The following PRKN variants were observed in gnomAD, a reference collection of about 807,000 sequenced individuals.
PRKN encodes E3 ubiquitin-protein ligase parkin.
Under a neutral mutation model 59.5 loss-of-function variants are expected in PRKN, and 56 were observed. The ratio of observed to expected loss-of-function variants is 0.94; its 90% confidence interval spans 0.76 to 1.18. The LOEUF is 1.18. Ranked by LOEUF, PRKN falls within the 50% of genes most tolerant of loss-of-function variation. The pLI is 0.00. For missense variants in PRKN, 657 were observed against 596.4 expected (o/e 1.10, Z -1.06); for synonymous variants, 250 against 222.1 (o/e 1.13, Z -1.12).
intron 6 of PRKN, among the ~76,000 whole-genome samples, chr6:161,828,159 C>A (rs1792325687): frequency 6.6e-6 from 1 of 152,152 alleles, no homozygotes; most frequent in African/African-American, 2.4e-5. Flanking sequence ...TTGTGAGTAA[C>A]CTGCAAAATA....
chr6:161,626,421 A>G (rs1783091229), intron 7 of PRKN, among the ~76,000 whole-genome samples: 1 of 152,232 alleles, frequency 6.6e-6, no homozygotes, highest in Non-Finnish European at 1.5e-5. Context: ...AGTGGGCGCC[A>G]GTCCTTCCTT....
At position 161,413,572 on chromosome 6, in the gene PRKN, G is replaced by A. The variant is rs913758874; in HGVS notation, c.1084-26695C>T. ...ACGCTGGCCATGGTGGGATGGCAGC[G>A]TGGGCCAGGAAAGCCTGGGAACTGG... On this transcript the variant is annotated intron_variant, in intron 9 of 11. Transcript: ENST00000366898. This position sits in a 1 kb window ranked among gnomAD's most constrained non-coding sequence, Gnocchi z 4.4. Among the ~76,000 whole-genome samples the A allele has an allele frequency of 1.2e-4, 19 of 152,136 alleles. No homozygotes were observed. The highest frequency in any genetic ancestry group is 3.9e-4 in the African/African-American group (16 of 41,408).
intron 2 of PRKN, among the ~76,000 whole-genome samples, chr6:162,424,255 T>C (rs1789114736): frequency 6.6e-6 from 1 of 151,792 alleles, no homozygotes; most frequent in Admixed American, 6.6e-5. Flanking sequence ...AGGGAAGAAA[T>C]GGGTGATGAG....
At chr6:162,460,669 A>G (rs149729165) in intron 1 of PRKN, among the ~76,000 whole-genome samples, 175 of 152,306 alleles carry the variant, frequency 1.1e-3, no homozygotes, top group African/African-American at 4.0e-3. Context: ...ATGAATGTGC[A>G]TTCACTTCAC....
intron 7 of PRKN, among the ~76,000 whole-genome samples, chr6:161,647,426 A>T (rs1783997807): frequency 6.6e-6 from 1 of 152,300 alleles, no homozygotes; most frequent in East Asian, 1.9e-4. Flanking sequence ...CATCGTGCAG[A>T]GTGTGTGAAG....
In PRKN at chr6:161,751,375, C is replaced by T. The variant is rs1032174197; in HGVS notation, c.871+34397G>A. ...CAGCTGAATAGCTTGGTACACTCAG[C>T]GCCTATCAAATATTAAAGCCTTCCC... On this transcript the variant is annotated intron_variant, in intron 7 of 11. Transcript: ENST00000366898. Among the ~76,000 whole-genome samples, 4 of 152,168 alleles carry T rather than the reference C, an allele frequency of 2.6e-5. No individual in the cohort carries two copies. The South Asian group carries it at 6.2e-4, about 24-fold the overall frequency.
At chr6:162,658,555 G>C (rs1023949933) in intron 1 of PRKN, among the ~76,000 whole-genome samples, 1 of 151,432 alleles carries the variant, frequency 6.6e-6, no homozygotes, top group Admixed American at 6.6e-5. Context: ...CAGCTACTAG[G>C]GAGGCTGAGG....
chr6:161,365,475 A>C (rs1785162921), intron 10 of PRKN, among the ~76,000 whole-genome samples: 1 of 152,234 alleles, frequency 6.6e-6, no homozygotes, highest in Non-Finnish European at 1.5e-5. Context: ...TCAGCCCAAG[A>C]GAAAGATTCA....
At chr6:161,435,570 C>T (rs1321193957) in intron 9 of PRKN, among the ~76,000 whole-genome samples, 3 of 151,844 alleles carry the variant, frequency 2.0e-5, no homozygotes, top group Non-Finnish European at 2.9e-5. Context: ...TTGCTATCCC[C>T]GTTTTACCAT....
intron 4 of PRKN, among the ~76,000 whole-genome samples, chr6:162,185,679 G>A (rs1205036290): frequency 6.6e-6 from 1 of 152,244 alleles, no homozygotes; most frequent in Middle Eastern, 3.4e-3. Context: ...CTGATACCAT[G>A]AGATGGAATT....
At chr6:161,876,139 C>A (rs749384811) in intron 6 of PRKN, among the ~76,000 whole-genome samples, 16 of 152,092 alleles carry the variant, frequency 1.1e-4, no homozygotes, top group Non-Finnish European at 2.1e-4. Flanking sequence ...TCATTAGTTA[C>A]CAAACAAATA....
At position 162,242,555 on chromosome 6, in the gene PRKN, T is replaced by C. The variant is rs561335059; in HGVS notation, c.412+19970A>G. 1.3e-3 allele frequency among the ~76,000 whole-genome samples: 195 copies of C among 152,276 alleles called. 1 individual carries two copies. The highest frequency in any genetic ancestry group is 4.3e-3 in the African/African-American group (179 of 41,556). On this transcript the variant is annotated intron_variant, in intron 3 of 11. Transcript: ENST00000366898. ...CAAAGAGTTGCCTCCTAGATGTAAATGCCTCTTGAACAACAATCAACTATT... is the reference window on the plus strand; with the variant it reads ...CAAAGAGTTGCCTCCTAGATGTAAACGCCTCTTGAACAACAATCAACTATT...
intron 2 of PRKN, among the ~76,000 whole-genome samples, chr6:162,433,416 G>C (rs996615282): frequency 9.2e-5 from 14 of 152,100 alleles, no homozygotes; most frequent in African/African-American, 3.4e-4. Flanking sequence ...ATTTCATCTA[G>C]TGTATGACAT....
At chr6:161,902,336 C>A (rs978220382) in intron 6 of PRKN, among the ~76,000 whole-genome samples, 4 of 152,100 alleles carry the variant, frequency 2.6e-5, no homozygotes, top group Non-Finnish European at 4.4e-5. Context: ...TTGATTAAAT[C>A]ACGAGAGAAG....
At position 161,425,026 on chromosome 6, in the gene PRKN, A is replaced by G. The variant is rs373209682; in HGVS notation, c.1084-38149T>C. On this transcript the variant is annotated intron_variant, in intron 9 of 11. Coordinates refer to ENST00000366898, the MANE Select transcript of PRKN (RefSeq NM_004562.3). ...GGCCCACATTAAGTAAGTGATGCCT[A>G]CAGGTGTCTTCTGTTTCTGTGAATT... Among the ~76,000 whole-genome samples, 21 of 152,284 alleles carry G rather than the reference A, an allele frequency of 1.4e-4. No individual in the cohort carries two copies. In the East Asian group the frequency reaches 2.9e-3, roughly 21 times the overall value.
chr6:162,122,333 T>A (rs1780949016), intron 4 of PRKN, among the ~76,000 whole-genome samples: 1 of 152,206 alleles, frequency 6.6e-6, no homozygotes, highest in Non-Finnish European at 1.5e-5. Context: ...CAGGGCACAG[T>A]TCTCCCAGAA....
chr6:161,630,735 T>C (rs563038659), intron 7 of PRKN, among the ~76,000 whole-genome samples: 1 of 152,000 alleles, frequency 6.6e-6, no homozygotes, highest in Non-Finnish European at 1.5e-5. Flanking sequence ...TCCCCCACCA[T>C]GTCTAGGGCC....
At chr6:161,956,224 ATTCT>A (rs1267769212) in intron 6 of PRKN, among the ~76,000 whole-genome samples, 2 of 152,228 alleles carry the variant, frequency 1.3e-5, no homozygotes, top group Non-Finnish European at 2.9e-5. Flanking sequence ...TGAACACAAC[ATTCT>A]TTCTCCAGGG....
At chr6:162,314,980 C>T (rs1782686730) in intron 2 of PRKN, among the ~76,000 whole-genome samples, 1 of 152,156 alleles carries the variant, frequency 6.6e-6, no homozygotes, top group Non-Finnish European at 1.5e-5. Context: ...CACAGTAGAT[C>T]ACCAGGGTTT....
Sources: allele counts gnomAD v4.1 joint callset (sites outside exome capture counted in the v4.1 genomes callset), GRCh38; gene constraint gnomAD v4.1.1; non-coding constraint Gnocchi (gnomAD v3.1); transcripts MANE v1.5; gene names NCBI Gene and HGNC (gene_info 2026-07-23, HGNC 2026-07-21).